The following DYM variants were observed in gnomAD, a reference collection of about 807,000 sequenced individuals.
The protein encoded by DYM is dyggve-Melchior-Clausen syndrome protein.
Under a neutral mutation model 93.1 loss-of-function variants are expected in DYM, and 78 were observed. The observed-to-expected ratio is 0.84, with a 90% CI of 0.70 to 1.01. The LOEUF (loss-of-function observed/expected upper bound fraction) is 1.01. Among genes scored for constraint, DYM ranks in the 50% least tolerant of loss-of-function variants. The pLI is 0.00. For missense variants in DYM, 789 were observed against 845.0 expected (o/e 0.93, Z 0.82); for synonymous variants, 321 against 319.7 (o/e 1.00, Z -0.04).
intron 15 of DYM, among the ~76,000 whole-genome samples, chr18:49,122,755 C>T (rs543503884): frequency 2.6e-5 from 4 of 152,250 alleles, no homozygotes; most frequent in South Asian, 2.1e-4. Context: ...GGCTGGGGAC[C>T]GCTGCTTTAT....
At chr18:49,138,590 T>C (rs770486717) in intron 15 of DYM, among the ~76,000 whole-genome samples, 4 of 152,124 alleles carry the variant, frequency 2.6e-5, no homozygotes, top group Non-Finnish European at 2.9e-5. Context: ...AACAGGCTAA[T>C]TGATGCAATT....
chr18:49,435,810 A>G (rs994061454), intron 1 of DYM, among the ~76,000 whole-genome samples: 1 of 152,106 alleles, frequency 6.6e-6, no homozygotes, highest in Non-Finnish European at 1.5e-5. Flanking sequence ...AAAACAAACA[A>G]ACAAAAAAGA....
intron 17 of DYM, among the ~76,000 whole-genome samples, chr18:49,079,558 G>A (rs1436300053): frequency 3.3e-5 from 5 of 151,786 alleles, no homozygotes; most frequent in Non-Finnish European, 7.4e-5. Flanking sequence ...GCGGCCTTCC[G>A]CAGTGTTTGT....
chr18:49,428,497 C>A (rs955196278), intron 2 of DYM, among the ~76,000 whole-genome samples: 2 of 152,072 alleles, frequency 1.3e-5, no homozygotes, highest in Non-Finnish European at 2.9e-5. Context: ...CCAGCCTGGC[C>A]AACATGGTGA....
chr18:49,274,826 T>C (rs1159530451), intron 10 of DYM, among the ~76,000 whole-genome samples: 1 of 152,152 alleles, frequency 6.6e-6, no homozygotes, highest in Non-Finnish European at 1.5e-5. Context: ...ATTTTTTAAT[T>C]GGGTTGTCCT....
In DYM at chr18:49,163,462, C is replaced by T. The variant is rs538828261; in HGVS notation, c.1728+223G>A. ...CCGGATTCAAGTGATTCTCCTGCCT[C>T]GGCCTCCCAAATAGCTGGGACTACA... On this transcript the variant is annotated intron_variant, in intron 15 of 17. Transcript: ENST00000675505. Among the ~76,000 whole-genome samples the T allele has an allele frequency of 1.8e-4, 28 of 152,300 alleles. 1 individual carries two copies. The South Asian group carries it at 4.6e-3, about 25-fold the overall frequency.
chr18:49,152,627 T>C (rs1395719890), intron 15 of DYM, among the ~76,000 whole-genome samples: 1 of 152,184 alleles, frequency 6.6e-6, no homozygotes, highest in African/African-American at 2.4e-5. Flanking sequence ...CAATTCCACT[T>C]CTGGGTATAT....
intron 5 of DYM, among the ~76,000 whole-genome samples, chr18:49,374,891 G>C (rs925929966): frequency 6.6e-6 from 1 of 152,078 alleles, no homozygotes; most frequent in East Asian, 1.9e-4. Flanking sequence ...CCCAGGAGGC[G>C]GAGGTTGCAG....
At chr18:49,301,790 G>A (rs766044042) in intron 8 of DYM, among the ~76,000 whole-genome samples, 2 of 152,198 alleles carry the variant, frequency 1.3e-5, no homozygotes, top group African/African-American at 2.4e-5. Flanking sequence ...AGCTTCAGCA[G>A]TATGCATAAT....
chr18:49,458,993 TA>T (rs2083245364), intron 1 of DYM, among the ~76,000 whole-genome samples: 1 of 152,240 alleles, frequency 6.6e-6, no homozygotes, highest in Non-Finnish European at 1.5e-5. Context: ...TGGCATGAGT[TA>T]ACTGCTGAAG....
intron 9 of DYM, among the ~76,000 whole-genome samples, chr18:49,285,166 A>G (rs1367558265): frequency 1.3e-5 from 2 of 152,220 alleles, no homozygotes; most frequent in Admixed American, 6.5e-5. Context: ...TCTGTTCTTT[A>G]TAAGTTATTG....
intron 6 of DYM, among the ~76,000 whole-genome samples, chr18:49,350,726 GAAAAA>G (rs72289769): frequency 8.3e-6 from 1 of 119,930 alleles, no homozygotes; most frequent in Non-Finnish European, 1.8e-5. Flanking sequence ...GAAAAAAAAA[GAAAAA>G]AAAAAAAAAA....
intron 11 of DYM, among the ~76,000 whole-genome samples, chr18:49,265,914 A>C (rs2094562719): frequency 6.6e-6 from 1 of 152,186 alleles, no homozygotes; most frequent in South Asian, 2.1e-4. Flanking sequence ...GATGGTAGAC[A>C]ACACATCCAA....
Position 49,218,789 on chromosome 18 carries a change from C to T in DYM, c.1461-9074G>A, listed in dbSNP as rs1179277613. Among the ~76,000 whole-genome samples the T allele has an allele frequency of 6.6e-4, 100 of 152,176 alleles. 2 individuals are homozygous for T. In the East Asian group the frequency reaches 0.017, roughly 26 times the overall value. ...AGGGAAATTTATAGCACTAAATGCC[C>T]ACAAGAGAAAGCAGGACAGATCCAA... is the stretch of plus-strand genomic sequence containing the variant. On this transcript the variant is annotated intron_variant, in intron 13 of 17. Transcript: ENST00000675505.
At chr18:49,324,514 T>C (rs2062750612) in intron 8 of DYM, among the ~76,000 whole-genome samples, 1 of 152,224 alleles carries the variant, frequency 6.6e-6, no homozygotes, top group South Asian at 2.1e-4. Context: ...CAAATTTTCC[T>C]TTTTTAACTG....
intron 2 of DYM, among the ~76,000 whole-genome samples, chr18:49,402,900 T>A (rs578193558): frequency 1.2e-4 from 18 of 152,190 alleles, no homozygotes; most frequent in Non-Finnish European, 2.5e-4. Context: ...AAGTTCCAAC[T>A]TCTTCATTAA....
intron 2 of DYM, among the ~76,000 whole-genome samples, chr18:49,428,666 G>A (rs1488682397): frequency 6.6e-6 from 1 of 152,164 alleles, no homozygotes; most frequent in African/African-American, 2.4e-5. Context: ...AGCAGACTGA[G>A]ACTCCCTCTC....
chr18:49,422,463 C>T lies in DYM; in HGVS notation c.140+7792G>A, dbSNP rs545342350. Among the ~76,000 whole-genome samples, 106 of 152,244 alleles carry T rather than the reference C, an allele frequency of 7.0e-4. 2 individuals carry two copies. The highest frequency in any genetic ancestry group is 2.4e-3 in the African/African-American group (100 of 41,558). ...AAACATGCCAAATTGTAAAGACCAT[C>T]GAGGCTAGGAAGAAACTGCATCAAC... On this transcript the variant is annotated intron_variant, in intron 2 of 17. Coordinates refer to ENST00000675505, the MANE Select transcript of DYM (RefSeq NM_001353214.3).
At chr18:49,388,015 T>C (rs1203398688) in intron 3 of DYM, among the ~76,000 whole-genome samples, 1 of 152,220 alleles carries the variant, frequency 6.6e-6, no homozygotes, top group Non-Finnish European at 1.5e-5. Context: ...TCTCAGTAGA[T>C]AGTTTTAACA....
Sources: gnomAD v4.1 joint callset for allele counts (sites outside exome capture counted in the v4.1 genomes callset) on GRCh38, gnomAD v4.1.1 for gene constraint, MANE v1.5 for transcripts, NCBI Gene and HGNC (gene_info 2026-07-23, HGNC 2026-07-21) for gene names.